LIMD1: variants seen among roughly 807,000 people sequenced by gnomAD.
LIMD1 encodes the protein LIM domain containing 1, also known as LIM domain-containing protein 1.
Under a neutral mutation model 58.4 loss-of-function variants are expected in LIMD1, and 23 were observed. The observed-to-expected ratio is 0.39, with a 90% CI of 0.28 to 0.56. The LOEUF (loss-of-function observed/expected upper bound fraction) is 0.56. Ranked by LOEUF, LIMD1 falls within the 20% of genes least tolerant of loss-of-function variation. LIMD1 has a pLI of 0.57. For synonymous variants in LIMD1, 334 were observed against 345.5 expected, an observed-to-expected ratio of 0.97 and a Z score of 0.37; for missense variants, 838 against 855.5, an observed-to-expected ratio of 0.98 and a Z score of 0.25.
intron 1 of LIMD1, among the ~76,000 whole-genome samples, chr3:45,625,262 T>C (rs1360790754): frequency 4.6e-5 from 7 of 152,150 alleles, no homozygotes. Context: ...ACCACTGTTG[T>C]GCACAGAGAA....
chr3:45,635,784 A>G (rs1012733003), intron 1 of LIMD1: 4 of 481,284 alleles, frequency 8.3e-6, no homozygotes, highest in Non-Finnish European at 8.1e-6. Flanking sequence ...AAATTTCCCA[A>G]CCTGCATGCT....
chr3:45,615,844 G>C (rs1438199203), intron 1 of LIMD1, among the ~76,000 whole-genome samples: 1 of 150,826 alleles, frequency 6.6e-6, no homozygotes, highest in African/African-American at 2.4e-5. Flanking sequence ...ATTCCGCACT[G>C]TATGTCCATA....
At chr3:45,621,943 A>G (rs1450241727) in intron 1 of LIMD1, among the ~76,000 whole-genome samples, 1 of 151,948 alleles carries the variant, frequency 6.6e-6, no homozygotes, top group Non-Finnish European at 1.5e-5. Flanking sequence ...CGTGCCTATA[A>G]TCCCAGCTAC....
intron 7 of LIMD1, among the ~76,000 whole-genome samples, chr3:45,674,967 C>T (rs1035827328): frequency 6.6e-6 from 1 of 152,158 alleles, no homozygotes; most frequent in African/African-American, 2.4e-5. Context: ...TAGAGGTTGC[C>T]CCTCACCAAC....
Position 45,594,921 on chromosome 3 carries a change from C to A in LIMD1, c.42C>A (p.Phe14Leu), listed in dbSNP as rs1271942500. 6.2e-7 allele frequency: 1 copy of A among 1,612,820 alleles called. No individual in the cohort carries two copies. Among genetic ancestry groups the A allele is most frequent in the Non-Finnish European group, 8.5e-7 (1 of 1,179,760 alleles). The change falls in exon 1 of 8, where the codon TTC becomes TTA. Residue 14 changes from phenylalanine to leucine, a missense_variant. By Grantham distance (22) the Phe-to-Leu change is conservative. Transcript: ENST00000273317. Reference protein sequence around the residue: ...YDDLGLEASKFIEDLNMYEAS... With the variant: ...YDDLGLEASKLIEDLNMYEAS... ...ACCTGGGCCTGGAGGCCAGTAAATT[C>A]ATCGAGGACCTGAACATGTATGAGG...
In LIMD1 at chr3:45,629,767, C is replaced by T. The variant is rs1026452229; in HGVS notation, c.1409-6383C>T. Among the ~76,000 whole-genome samples the T allele has an allele frequency of 1.4e-4, 22 of 152,208 alleles. 1 individual carries two copies. Among genetic ancestry groups the T allele is most frequent in the South Asian group, 4.2e-4 (2 of 4,812 alleles). ...GCCACCACACTGGCAGGCCATCAGC[C>T]GGCAGAACGAGGCAGAGTTTGGCTG... On this transcript the variant is annotated intron_variant, in intron 1 of 7. Transcript: ENST00000273317.
At chr3:45,647,905 T>C (rs1224570183) in intron 2 of LIMD1, among the ~76,000 whole-genome samples, 1 of 152,156 alleles carries the variant, frequency 6.6e-6, no homozygotes, top group Admixed American at 6.5e-5. Context: ...CCCTGTACCT[T>C]GTCACCCTTA....
At chr3:45,674,618 T>C in intron 7 of LIMD1, 2 of 521,262 alleles carry the variant, frequency 3.8e-6, no homozygotes, top group Admixed American at 6.1e-5. Context: ...TTCTTCTGCA[T>C]ATTCAGAACT....
In LIMD1 at chr3:45,604,205, C is replaced by T. The variant is rs77764947; in HGVS notation, c.1408+7918C>T. Among the ~76,000 whole-genome samples, 639 of 152,308 alleles carry T rather than the reference C, an allele frequency of 4.2e-3. 1 individual carries two copies. The highest frequency in any genetic ancestry group is 0.014 in the African/African-American group (599 of 41,564). ...GGTGCCGTCTGCCCAGGGCCACCTC[C>T]ACTGTATGTCCTCCTGGGCTGGAAG... On this transcript the variant is annotated intron_variant, in intron 1 of 7. Coordinates refer to ENST00000273317, the MANE Select transcript of LIMD1 (RefSeq NM_014240.3).
chr3:45,668,826 G>A (rs1183202707), intron 4 of LIMD1, among the ~76,000 whole-genome samples: 1 of 151,842 alleles, frequency 6.6e-6, no homozygotes, highest in Non-Finnish European at 1.5e-5. Flanking sequence ...GCTTTTATTG[G>A]AATTAACATC....
intron 1 of LIMD1, 158 bp from the exon 2 acceptor site, chr3:45,635,992 G>T: frequency 1.0e-5 from 10 of 985,290 alleles, no homozygotes; most frequent in Non-Finnish European, 1.2e-5. Context: ...GTGACAGAGG[G>T]AGAGGGAGAG....
chr3:45,676,798 C>A, intron 7 of LIMD1, 124 bp from the exon 8 acceptor site: 1 of 915,094 alleles, frequency 1.1e-6, no homozygotes, highest in Non-Finnish European at 1.7e-6. Context: ...TGTTTCTGCA[C>A]TGGCATTTCC....
At chr3:45,663,380 C>T (rs1254426017) in intron 2 of LIMD1, among the ~76,000 whole-genome samples, 1 of 152,136 alleles carries the variant, frequency 6.6e-6, no homozygotes, top group Non-Finnish European at 1.5e-5. Flanking sequence ...ACAAATTGTT[C>T]CCAAGTAGTC....
intron 1 of LIMD1, among the ~76,000 whole-genome samples, chr3:45,598,087 G>A (rs1701375024): frequency 6.6e-6 from 1 of 152,056 alleles, no homozygotes; most frequent in African/African-American, 2.4e-5. Flanking sequence ...TCCTACCTCA[G>A]CCTCCTGAGT....
Position 45,678,839 on chromosome 3 carries a change from A to T in LIMD1, c.*1780A>T, listed in dbSNP as rs946959928. ...ATTGGTGCCATGGATTATCTTTTCC[A>T]TGTTGATGGAATTCATTCTGTTGGA... On this transcript the variant is annotated 3_prime_UTR_variant, in exon 8 of 8. Transcript: ENST00000273317. 2.6e-5 allele frequency: 4 copies of T among 152,168 alleles called. No homozygotes were observed. The highest frequency in any genetic ancestry group is 9.7e-5 in the African/African-American group (4 of 41,416). The allele number at this position is 152,168 out of a possible 1,614,324, so 9.4% of individuals were successfully genotyped here. A position where few individuals can be genotyped will look rare whatever the true frequency, so the allele number is the denominator to read the frequency against.
At chr3:45,676,353 A>C (rs938207955) in intron 7 of LIMD1, among the ~76,000 whole-genome samples, 21 of 152,040 alleles carry the variant, frequency 1.4e-4, no homozygotes, top group Non-Finnish European at 2.8e-4. Flanking sequence ...TCTAAAAAAA[A>C]AAAAGGGATA....
intron 1 of LIMD1, among the ~76,000 whole-genome samples, chr3:45,619,897 T>G (rs1701614731): frequency 7.9e-6 from 1 of 127,054 alleles, no homozygotes; most frequent in Non-Finnish European, 1.6e-5. Flanking sequence ...TAAATTAAGC[T>G]GAGACCTGAA....
intron 1 of LIMD1, among the ~76,000 whole-genome samples, chr3:45,628,021 A>G (rs972075724): frequency 4.6e-5 from 5 of 109,104 alleles, no homozygotes; most frequent in African/African-American, 1.4e-4. Context: ...AAAAAAAAAG[A>G]AAAAAGAATA....
chr3:45,619,725 G>A (rs527644750), intron 1 of LIMD1, among the ~76,000 whole-genome samples: 2 of 152,210 alleles, frequency 1.3e-5, no homozygotes, highest in East Asian at 3.9e-4. Context: ...CTTGAACCTG[G>A]GAAGCGGAGG....
Sources: allele counts gnomAD v4.1 joint callset (sites outside exome capture counted in the v4.1 genomes callset), GRCh38; gene constraint gnomAD v4.1.1; transcripts MANE v1.5; gene names NCBI Gene and HGNC (gene_info 2026-07-23, HGNC 2026-07-21).